CAMK1D: variants seen among roughly 807,000 people sequenced by gnomAD.
CAMK1D encodes calcium/calmodulin dependent protein kinase ID.
Under a neutral mutation model 47.7 loss-of-function variants are expected in CAMK1D, and 9 were observed. The observed-to-expected ratio is 0.19, with a 90% CI of 0.11 to 0.33. CAMK1D has a LOEUF of 0.33. CAMK1D is among the 10% of genes least tolerant of loss of function. The pLI, the probability that CAMK1D is intolerant of heterozygous loss-of-function variation, is 1.00. For synonymous variants in CAMK1D, 184 were observed against 184.9 expected (o/e 0.99, Z 0.04); for missense variants, 291 against 488.7 (o/e 0.60, Z 3.81).
chr10:12,701,280 G>T (rs1833509093), intron 3 of CAMK1D, among the ~76,000 whole-genome samples: 2 of 152,178 alleles, frequency 1.3e-5, no homozygotes, highest in African/African-American at 4.8e-5. Flanking sequence ...TGTCCAAAGG[G>T]TTTTTACTTC....
chr10:12,739,195 C>A (rs1256699490), intron 3 of CAMK1D, among the ~76,000 whole-genome samples: 1 of 152,096 alleles, frequency 6.6e-6, no homozygotes, highest in African/African-American at 2.4e-5. Flanking sequence ...CATGATTGCG[C>A]CCCTGCACTC....
intron 3 of CAMK1D, among the ~76,000 whole-genome samples, chr10:12,698,949 G>A (rs1037158597): frequency 5.3e-5 from 8 of 151,982 alleles, no homozygotes; most frequent in African/African-American, 1.5e-4. Context: ...GGGATTACAG[G>A]CATGAGCCAC....
chr10:12,626,315 A>G (rs1309388881), intron 2 of CAMK1D, among the ~76,000 whole-genome samples: 1 of 152,154 alleles, frequency 6.6e-6, no homozygotes, highest in Non-Finnish European at 1.5e-5. Flanking sequence ...TTATCAAATC[A>G]ATATACATAG....
chr10:12,711,641 G>A (rs1833940256), intron 3 of CAMK1D, among the ~76,000 whole-genome samples: 1 of 152,220 alleles, frequency 6.6e-6, no homozygotes. Flanking sequence ...CTCATAAGAA[G>A]AGGTGAATGT....
intron 6 of CAMK1D, among the ~76,000 whole-genome samples, chr10:12,794,891 T>C (rs1838129924): frequency 6.6e-6 from 1 of 152,208 alleles, no homozygotes; most frequent in African/African-American, 2.4e-5. Context: ...TTATTATCAG[T>C]AGATTAATCT....
chr10:12,459,695 T>A (rs1833367220), intron 1 of CAMK1D, among the ~76,000 whole-genome samples: 1 of 152,254 alleles, frequency 6.6e-6, no homozygotes, highest in African/African-American at 2.4e-5. Flanking sequence ...CAGACTTATC[T>A]GTCATAGTTT....
intron 1 of CAMK1D, among the ~76,000 whole-genome samples, chr10:12,491,981 C>T (rs1834397863): frequency 6.6e-6 from 1 of 152,142 alleles, no homozygotes; most frequent in South Asian, 2.1e-4. Context: ...GATGGGGTTT[C>T]ACCATGTTGG....
At chr10:12,711,081 C>T (rs1261771248) in intron 3 of CAMK1D, among the ~76,000 whole-genome samples, 3 of 152,188 alleles carry the variant, frequency 2.0e-5, no homozygotes, top group Non-Finnish European at 4.4e-5. Context: ...CTCTTTTTCT[C>T]CCCTTCTATT....
intron 1 of CAMK1D, among the ~76,000 whole-genome samples, chr10:12,457,769 G>C (rs1228228660): frequency 2.5e-5 from 3 of 118,244 alleles, no homozygotes; most frequent in Non-Finnish European, 4.8e-5. Flanking sequence ...GACAGAGCAA[G>C]ACTCTGTCTC....
chr10:12,814,613 A>T (rs1297795354), intron 7 of CAMK1D, among the ~76,000 whole-genome samples: 1 of 152,180 alleles, frequency 6.6e-6, no homozygotes, highest in African/African-American at 2.4e-5. Context: ...ATGTCCTCAC[A>T]TGGCAAAAGG....
At position 12,835,393 on chromosome 10, in the gene CAMK1D, T is replaced by C. The variant is rs1250620232; in HGVS notation, c.*6506T>C. On this transcript the variant is annotated 3_prime_UTR_variant, in exon 11 of 11. Coordinates refer to ENST00000619168, the MANE Select transcript of CAMK1D (RefSeq NM_153498.4). ...AACTCTGCAAGAAGTTTAACCCACA[T>C]AGGTTTGCGGCACTGCAAAATTGTT... is the stretch of plus-strand genomic sequence containing the variant. The C allele has an allele frequency of 6.6e-6, 1 of 152,212 alleles. No homozygotes were observed. The highest frequency in any genetic ancestry group is 2.4e-5 in the African/African-American group (1 of 41,456). The allele number at this position is 152,212 out of a possible 1,614,324, so 9.4% of individuals were successfully genotyped here. A position where few individuals can be genotyped will look rare whatever the true frequency, so the allele number is the denominator to read the frequency against.
intron 3 of CAMK1D, among the ~76,000 whole-genome samples, chr10:12,735,077 C>T (rs950823921): frequency 6.6e-6 from 1 of 152,198 alleles, no homozygotes; most frequent in Non-Finnish European, 1.5e-5. Context: ...TAGCCTTTGT[C>T]AAGTGCTTTC....
intron 3 of CAMK1D, among the ~76,000 whole-genome samples, chr10:12,701,107 CT>C (rs771965542): frequency 2.1e-3 from 286 of 138,578 alleles, no homozygotes; most frequent in African/African-American, 4.0e-3. Context: ...ATAGATTCTT[CT>C]TTTTTTTTTT....
intron 3 of CAMK1D, among the ~76,000 whole-genome samples, chr10:12,731,757 T>C (rs182178335): frequency 6.6e-6 from 1 of 152,250 alleles, no homozygotes; most frequent in East Asian, 1.9e-4. Flanking sequence ...TCAATGGGAC[T>C]GGAGGATTAT....
intron 6 of CAMK1D, among the ~76,000 whole-genome samples, chr10:12,795,901 A>G (rs1838177711): frequency 6.6e-6 from 1 of 152,226 alleles, no homozygotes; most frequent in Non-Finnish European, 1.5e-5. Flanking sequence ...GCTGCCAGGA[A>G]GGGCTGAGGA....
chr10:12,683,947 A>G (rs1039977307), intron 3 of CAMK1D, among the ~76,000 whole-genome samples: 1 of 152,202 alleles, frequency 6.6e-6, no homozygotes, highest in Admixed American at 6.5e-5. Context: ...TCATAGATGC[A>G]TGAGTGCACT....
intron 1 of CAMK1D, among the ~76,000 whole-genome samples, chr10:12,542,765 C>T (rs2132248732): frequency 6.6e-6 from 1 of 152,272 alleles, no homozygotes; most frequent in South Asian, 2.1e-4. Flanking sequence ...ATTTTTGAGA[C>T]CGAGTCTCGC....
chr10:12,643,269 G>A (rs1000439189), intron 2 of CAMK1D, among the ~76,000 whole-genome samples: 2 of 152,176 alleles, frequency 1.3e-5, no homozygotes, highest in Admixed American at 6.5e-5. Context: ...CCAAAATGCT[G>A]GGATTACAGG....
intron 2 of CAMK1D, among the ~76,000 whole-genome samples, chr10:12,622,944 T>C (rs960924654): frequency 1.3e-5 from 2 of 151,798 alleles, no homozygotes; most frequent in Non-Finnish European, 2.9e-5. Flanking sequence ...GCGCCTTGCT[T>C]CAGAGATGAG....
Sources: gnomAD v4.1 joint callset for allele counts (sites outside exome capture counted in the v4.1 genomes callset) on GRCh38, gnomAD v4.1.1 for gene constraint, MANE v1.5 for transcripts, NCBI Gene and HGNC (gene_info 2026-07-23, HGNC 2026-07-21) for gene names.